The following SCHIP1 variants were observed in gnomAD, a reference collection of about 807,000 sequenced individuals.
SCHIP1 encodes schwannomin interacting protein 1, also known as schwannomin-interacting protein 1.
A neutral mutation model predicts 29.7 loss-of-function variants in SCHIP1; 8 were observed. The ratio of observed to expected loss-of-function variants is 0.27; its 90% confidence interval spans 0.16 to 0.49. SCHIP1 has a LOEUF of 0.49. SCHIP1 is among the 20% of genes least tolerant of loss of function. The pLI is 0.99. For synonymous variants in SCHIP1, 76 were observed against 94.9 expected (o/e 0.80, Z 1.16); for missense variants, 193 against 294.6 (o/e 0.66, Z 2.52).
At chr3:159,455,569 G>A in the SCHIP1 span, among the ~76,000 whole-genome samples, 2 of 152,178 alleles carry the variant, frequency 1.3e-5, no homozygotes, top group African/African-American at 4.8e-5. Flanking sequence ...AAATCACTGT[G>A]GGAATGCCCC....
the SCHIP1 span, among the ~76,000 whole-genome samples, chr3:159,769,762 A>T: frequency 6.6e-6 from 1 of 152,198 alleles, no homozygotes; most frequent in Non-Finnish European, 1.5e-5. Context: ...AAAATTAAAT[A>T]AAATAAAATA....
chr3:159,472,932 A>G, the SCHIP1 span, among the ~76,000 whole-genome samples: 1 of 152,158 alleles, frequency 6.6e-6, no homozygotes, highest in African/African-American at 2.4e-5. Flanking sequence ...TTTGTTCTCT[A>G]ATTCACCTGG....
At chr3:159,397,955 T>C in the SCHIP1 span, among the ~76,000 whole-genome samples, 1 of 152,214 alleles carries the variant, frequency 6.6e-6, no homozygotes, top group Non-Finnish European at 1.5e-5. Context: ...GATCTCAGAC[T>C]GCTGTGCTAG....
At chr3:159,533,276 C>A in the SCHIP1 span, among the ~76,000 whole-genome samples, 1 of 152,034 alleles carries the variant, frequency 6.6e-6, no homozygotes, top group African/African-American at 2.4e-5. Flanking sequence ...GCACAGCAGG[C>A]GTGCAATCTC....
the SCHIP1 span, among the ~76,000 whole-genome samples, chr3:159,513,655 T>C: frequency 6.6e-6 from 1 of 152,160 alleles, no homozygotes; most frequent in African/African-American, 2.4e-5. Context: ...GGAGACGGTC[T>C]GAAATGGCTT....
chr3:159,800,397 C>T, the SCHIP1 span, among the ~76,000 whole-genome samples: 1 of 152,204 alleles, frequency 6.6e-6, no homozygotes, highest in African/African-American at 2.4e-5. Flanking sequence ...CTGCCCCCTC[C>T]CTCACTAACA....
chr3:159,384,909 A>G, the SCHIP1 span, among the ~76,000 whole-genome samples: 1 of 152,158 alleles, frequency 6.6e-6, no homozygotes, highest in Admixed American at 6.5e-5. Context: ...AGGTGTTTGT[A>G]ATATTCTCTG....
chr3:159,385,846 G>GC, the SCHIP1 span, among the ~76,000 whole-genome samples: 1 of 151,620 alleles, frequency 6.6e-6, no homozygotes, highest in South Asian at 2.1e-4. Flanking sequence ...CCCTCCCCTA[G>GC]CCCCCCATCC....
chr3:159,820,921 C>T, the SCHIP1 span, among the ~76,000 whole-genome samples: 31 of 152,298 alleles, frequency 2.0e-4, no homozygotes, highest in Middle Eastern at 3.4e-3. Context: ...TGTTCTCTAT[C>T]GTCACTGTCC....
chr3:159,336,603 C>A, the SCHIP1 span, among the ~76,000 whole-genome samples: 1 of 152,136 alleles, frequency 6.6e-6, no homozygotes, highest in South Asian at 2.1e-4. Flanking sequence ...AATAGGGAAT[C>A]ATTTCCCCAT....
the SCHIP1 span, among the ~76,000 whole-genome samples, chr3:159,358,905 T>A: frequency 6.7e-6 from 1 of 148,800 alleles, no homozygotes; most frequent in Non-Finnish European, 1.5e-5. Flanking sequence ...TGGAATATCA[T>A]ACGGTATTAG....
chr3:159,861,171 G>A lies in SCHIP1; in HGVS notation c.31-4992G>A, dbSNP rs994160872. Reference sequence around the variant, plus strand: ...CAGATTAGCATGCTGAAGGCTTCTTGCTTCAGAGACACCACAATGCTGCTA... The same window carrying A: ...CAGATTAGCATGCTGAAGGCTTCTTACTTCAGAGACACCACAATGCTGCTA... On this transcript the variant is annotated intron_variant, in intron 1 of 6. Transcript: ENST00000445224. This position sits in a 1 kb window ranked among gnomAD's most constrained non-coding sequence, Gnocchi z 4.1. Among the ~76,000 whole-genome samples, 26 of 152,256 alleles carry A rather than the reference G, an allele frequency of 1.7e-4. No homozygotes were observed. The highest frequency in any genetic ancestry group is 6.3e-4 in the African/African-American group (26 of 41,532).
chr3:159,895,590 CCCTCTGCCCCACTGTCTA>C (rs1169955373), intron 6 of SCHIP1, among the ~76,000 whole-genome samples: 28 of 152,306 alleles, frequency 1.8e-4, no homozygotes, highest in Admixed American at 3.3e-4. Flanking sequence ...ACACTCCTCC[CCCTCTGCCCCACTGTCTA>C]CCTCTGCCCC....
At chr3:159,277,326 T>C in the SCHIP1 span, among the ~76,000 whole-genome samples, 1 of 152,194 alleles carries the variant, frequency 6.6e-6, no homozygotes, top group Admixed American at 6.5e-5. Context: ...GATGTGACAG[T>C]AGATATAAAA....
chr3:159,433,991 AAT>A, the SCHIP1 span, among the ~76,000 whole-genome samples: 2 of 152,164 alleles, frequency 1.3e-5, no homozygotes, highest in African/African-American at 4.8e-5. Flanking sequence ...ACTGTATCAT[AAT>A]TGTGGTCCAC....
the SCHIP1 span, among the ~76,000 whole-genome samples, chr3:159,717,227 A>G: frequency 6.6e-6 from 1 of 152,216 alleles, no homozygotes; most frequent in Admixed American, 6.5e-5. Flanking sequence ...GACACATTTA[A>G]AGCAGTGTGT....
the SCHIP1 span, among the ~76,000 whole-genome samples, chr3:159,338,346 T>C: frequency 6.6e-6 from 1 of 152,160 alleles, no homozygotes; most frequent in Non-Finnish European, 1.5e-5. Context: ...ACCTCTGTAA[T>C]TGTGTTGCCG....
At chr3:159,607,856 A>G in the SCHIP1 span, among the ~76,000 whole-genome samples, 1 of 152,198 alleles carries the variant, frequency 6.6e-6, no homozygotes, top group South Asian at 2.1e-4. Flanking sequence ...TTTGACATAC[A>G]TATAAATGTC....
chr3:159,759,030 T>A, the SCHIP1 span, among the ~76,000 whole-genome samples: 1 of 152,260 alleles, frequency 6.6e-6, no homozygotes, highest in Non-Finnish European at 1.5e-5. Context: ...GGTTGTTGGA[T>A]ATATCTTTTA....
Sources: allele counts gnomAD v4.1 joint callset (sites outside exome capture counted in the v4.1 genomes callset), GRCh38; gene constraint gnomAD v4.1.1; non-coding constraint Gnocchi (gnomAD v3.1); transcripts MANE v1.5; gene names NCBI Gene and HGNC (gene_info 2026-07-23, HGNC 2026-07-21).